Variants in PIK3R5 observed in about 807,000 individuals in gnomAD.
PIK3R5 encodes phosphoinositide 3-kinase regulatory subunit 5.
Under a neutral mutation model 94.9 loss-of-function variants are expected in PIK3R5, and 32 were observed. The observed-to-expected ratio is 0.34, with a 90% CI of 0.25 to 0.45. The LOEUF is 0.45. Ranked by LOEUF, PIK3R5 falls within the 20% of genes least tolerant of loss-of-function variation. PIK3R5 has a pLI of 1.00. For missense variants in PIK3R5, 853 were observed against 1,144.6 expected (o/e 0.75, Z 3.68); for synonymous variants, 443 against 479.4 (o/e 0.92, Z 0.99).
chr17:8,957,505 A>T (rs963242202), intron 1 of PIK3R5, among the ~76,000 whole-genome samples: 1 of 152,168 alleles, frequency 6.6e-6, no homozygotes, highest in Admixed American at 6.5e-5. Context: ...GCTACTTCTT[A>T]ATTACTTCAT....
At position 8,945,581 on chromosome 17, in the gene PIK3R5, C is replaced by G. The variant is rs1466270551; in HGVS notation, c.-14+20015G>C. Among the ~76,000 whole-genome samples, 2 of 152,196 alleles carry G rather than the reference C, an allele frequency of 1.3e-5. No individual in the cohort carries two copies. The highest frequency in any genetic ancestry group is 1.3e-4 in the Admixed American group (2 of 15,270). On this transcript the variant is annotated intron_variant, in intron 1 of 18. Transcript: ENST00000447110. The surrounding 1 kb of genome is among the most constrained non-coding windows in gnomAD (Gnocchi z 4.0). Reference sequence around the variant, plus strand: ...TAGACAGGAGGCAAAGCAGACATCTCAAATCCACCGTAGTCCAGAAACAAC... The same window carrying G: ...TAGACAGGAGGCAAAGCAGACATCTGAAATCCACCGTAGTCCAGAAACAAC...
chr17:8,951,615 T>C (rs1236626610), intron 1 of PIK3R5, among the ~76,000 whole-genome samples: 5 of 152,256 alleles, frequency 3.3e-5, no homozygotes, highest in African/African-American at 1.2e-4. Context: ...TTCAATTGAA[T>C]GTATATACAC....
At chr17:8,940,464 C>T (rs2091157057) in intron 1 of PIK3R5, among the ~76,000 whole-genome samples, 2 of 152,234 alleles carry the variant, frequency 1.3e-5, no homozygotes, top group African/African-American at 4.8e-5. Flanking sequence ...CGCCAGCAAA[C>T]AGCAGCCTTG....
chr17:8,900,038 A>G (rs2090246382), intron 5 of PIK3R5, among the ~76,000 whole-genome samples: 1 of 136,972 alleles, frequency 7.3e-6, no homozygotes, highest in Non-Finnish European at 1.6e-5. Context: ...ATTCCATCTT[A>G]AAAAAAAAAA....
intron 3 of PIK3R5, among the ~76,000 whole-genome samples, chr17:8,907,055 C>T (rs1188219663): frequency 1.3e-5 from 2 of 152,128 alleles, no homozygotes; most frequent in East Asian, 1.9e-4. Flanking sequence ...GATGGAGTCT[C>T]GCTCTGTCGC....
In PIK3R5 at chr17:8,890,635, G is replaced by A. The variant is rs2089999090; in HGVS notation, c.657+103C>T. ...ACCCTGCCATGTCACCTGGGTGCAG[G>A]AGACTAAGTGTACCCTGGAGACCGT... On this transcript the variant is annotated intron_variant, in intron 7 of 18. Transcript: ENST00000447110. This position sits in a 1 kb window ranked among gnomAD's most constrained non-coding sequence, Gnocchi z 6.1. 1.9e-6 allele frequency: 2 copies of A among 1,032,294 alleles called. No homozygotes were observed. The highest frequency in any genetic ancestry group is 2.8e-6 in the Non-Finnish European group (2 of 720,698). The allele number at this position is 1,032,294 out of a possible 1,614,324, so 63.9% of individuals were successfully genotyped here.
At position 8,888,707 on chromosome 17, in the gene PIK3R5, G is replaced by A. The variant is rs2089947081; in HGVS notation, c.1080C>T (p.Ser360=). ...GCCCCGAGGCCTGGGAGGATGCAAGGGACAAGGTGGAGTCATGGGACGCCA... is the reference window on the plus strand; with the variant it reads ...GCCCCGAGGCCTGGGAGGATGCAAGAGACAAGGTGGAGTCATGGGACGCCA... ...SSLASHDSTL[S]LASSQASGPA... is the part of the protein sequence containing the mutation. Residue 360 remains serine (S), a synonymous_variant, in exon 10 of 19, where the codon TCC becomes TCT. Transcript: ENST00000447110. The surrounding 1 kb of genome is among the most constrained non-coding windows in gnomAD (Gnocchi z 7.8). 1 of 1,613,782 alleles carries A rather than the reference G, an allele frequency of 6.2e-7. No individual in the cohort carries two copies. Among genetic ancestry groups the A allele is most frequent in the Admixed American group, 1.7e-5 (1 of 60,016 alleles).
chr17:8,893,813 G>C lies in PIK3R5; in HGVS notation c.413-158C>G. 3.4e-6 allele frequency: 2 copies of C among 595,108 alleles called. No individual in the cohort carries two copies. The highest frequency in any genetic ancestry group is 6.1e-6 in the Non-Finnish European group (2 of 328,940). 36.9% of individuals were successfully genotyped at this position (595,108 alleles called of 1,614,324 possible). On this transcript the variant is annotated intron_variant, in intron 5 of 18. Coordinates refer to ENST00000447110, the MANE Select transcript of PIK3R5 (RefSeq NM_001142633.3). This position sits in a 1 kb window ranked among gnomAD's most constrained non-coding sequence, Gnocchi z 5.1. ...AGCTGTTCTGTGGACCCTCCAGGGTGCCTAGCAGTTTGCTTCTATGCGTCC... is the reference window on the plus strand; with the variant it reads ...AGCTGTTCTGTGGACCCTCCAGGGTCCCTAGCAGTTTGCTTCTATGCGTCC...
intron 10 of PIK3R5, 149 bp from the exon 11 acceptor site, chr17:8,887,832 A>C: frequency 1.7e-6 from 1 of 598,110 alleles, no homozygotes; most frequent in Non-Finnish European, 2.7e-6. Context: ...ATCTCTACTA[A>C]GACAAAAAAA....
At chr17:8,943,857 T>G (rs1457415237) in intron 1 of PIK3R5, among the ~76,000 whole-genome samples, 2 of 151,048 alleles carry the variant, frequency 1.3e-5, no homozygotes, top group Non-Finnish European at 2.9e-5. Context: ...TCTGAAACAT[T>G]GTCTGCTGTA....
Position 8,888,002 on chromosome 17 carries a change from AAATAATAATAATAATAATAAT to A in PIK3R5, c.1616+148_1616+168del, listed in dbSNP as rs71135929. Among the ~76,000 whole-genome samples, 36 of 129,512 alleles carry A rather than the reference AAATAATAATAATAATAATAAT, an allele frequency of 2.8e-4. No homozygotes were observed. The highest frequency in any genetic ancestry group is 8.9e-4 in the East Asian group (4 of 4,474). 85.0% of individuals were successfully genotyped at this position (129,512 alleles called of 152,430 possible). On this transcript the variant is annotated intron_variant, in intron 10 of 18. Coordinates refer to ENST00000447110, the MANE Select transcript of PIK3R5 (RefSeq NM_001142633.3). The surrounding 1 kb of genome is among the most constrained non-coding windows in gnomAD (Gnocchi z 7.8). ...GGCAACAGAGCAAGACTCTGTCTCA[AAATAATAATAATAATAATAAT>A]AATAATAATAATAATAATAATAATA...
intron 1 of PIK3R5, among the ~76,000 whole-genome samples, chr17:8,954,457 C>G (rs1176349124): frequency 6.6e-6 from 1 of 152,200 alleles, no homozygotes; most frequent in Non-Finnish European, 1.5e-5. Context: ...CAGCCTGGCA[C>G]GGGCGGGACA....
chr17:8,900,782 T>G (rs1355941292), intron 5 of PIK3R5, among the ~76,000 whole-genome samples: 1 of 152,156 alleles, frequency 6.6e-6, no homozygotes, highest in Non-Finnish European at 1.5e-5. Flanking sequence ...CTGCTTTCTG[T>G]GCTGCCCAGA....
chr17:8,902,223 A>AG (rs1221060410), intron 5 of PIK3R5, among the ~76,000 whole-genome samples: 1 of 151,158 alleles, frequency 6.6e-6, no homozygotes, highest in East Asian at 1.9e-4. Flanking sequence ...CTAAAAAAAA[A>AG]ACCTCTTCAT....
chr17:8,925,098 AAGTAGATGGATAGATAGAT>A lies in PIK3R5; in HGVS notation c.-13-13610_-13-13592del, dbSNP rs971768263. ...GATAGATAGATAGTGGATAGATAGA[AAGTAGATGGATAGATAGAT>A]AGTAGATGGATAGATAGATAGTAGA... On this transcript the variant is annotated intron_variant, in intron 1 of 18. Coordinates refer to ENST00000447110, the MANE Select transcript of PIK3R5 (RefSeq NM_001142633.3). The surrounding 1 kb of genome is among the most constrained non-coding windows in gnomAD (Gnocchi z 5.1). 6.6e-5 allele frequency among the ~76,000 whole-genome samples: 10 copies of A among 150,842 alleles called. No homozygotes were observed. Among genetic ancestry groups the A allele is most frequent in the Non-Finnish European group, 1.2e-4 (8 of 67,362 alleles).
chr17:8,928,964 A>G (rs2090938559), intron 1 of PIK3R5, among the ~76,000 whole-genome samples: 1 of 152,234 alleles, frequency 6.6e-6, no homozygotes. Context: ...TAAGACAATC[A>G]TATTATAAAT....
In PIK3R5 at chr17:8,880,474, A is replaced by C; in HGVS notation, c.*165T>G. The C allele has an allele frequency of 3.3e-6, 2 of 614,744 alleles. No individual in the cohort carries two copies. Among genetic ancestry groups the C allele is most frequent in the South Asian group, 6.0e-5 (2 of 33,088 alleles). 38.1% of individuals were successfully genotyped at this position (614,744 alleles called of 1,614,324 possible). A position where few individuals can be genotyped will look rare whatever the true frequency, so the allele number is the denominator to read the frequency against. ...TAGCTGTTGCTTTCCCAGAACCCTG[A>C]GGCCCCAGAAACCCTCTACTCCCAG... is the stretch of plus-strand genomic sequence containing the variant. On this transcript the variant is annotated 3_prime_UTR_variant, in exon 19 of 19. Coordinates refer to ENST00000447110, the MANE Select transcript of PIK3R5 (RefSeq NM_001142633.3).
rs748687914 is a variant in PIK3R5, at chr17:8,904,882, G to C, written c.307C>G (p.Leu103Val). The change falls in exon 5 of 19, where the codon CTG becomes GTG. Residue 103 changes from leucine (L) to valine (V), a missense_variant. By Grantham distance (32) the Leu-to-Val change is conservative. This residue lies in a region of PIK3R5 where 108 missense variants were observed against 170.1 expected (regional missense o/e 0.63). Transcript: ENST00000447110. The surrounding 1 kb of genome is among the most constrained non-coding windows in gnomAD (Gnocchi z 5.1). Reference sequence around the variant, plus strand: ...CGGTGGTAGGTGCTGGCTGCCTTCAGAAGGAGATCCGAGTCTGGTGGGAAG... The same window carrying C: ...CGGTGGTAGGTGCTGGCTGCCTTCACAAGGAGATCCGAGTCTGGTGGGAAG... ...PHFPPDSDLL[L>V]KAASTYHRFL... The C allele has an allele frequency of 1.7e-5, 27 of 1,613,834 alleles. No individual in the cohort carries two copies. The highest frequency in any genetic ancestry group is 2.1e-5 in the Non-Finnish European group (25 of 1,180,028).
chr17:8,904,920 G>A lies in PIK3R5; in HGVS notation c.274-5C>T, dbSNP rs1418879581. The A allele has an allele frequency of 1.9e-6, 3 of 1,611,900 alleles. No individual in the cohort carries two copies. Among genetic ancestry groups the A allele is most frequent in the Non-Finnish European group, 2.5e-6 (3 of 1,179,976 alleles). ...GTCTGGTGGGAAGTGTGGTGTCTAG[G>A]ATGGAGGCAGGCAACAAGCAAAGAG... On this transcript the variant is annotated splice_polypyrimidine_tract_variant and splice_region_variant and intron_variant, in intron 4 of 18. Transcript: ENST00000447110. This position sits in a 1 kb window ranked among gnomAD's most constrained non-coding sequence, Gnocchi z 5.1.
Sources: gnomAD v4.1 joint callset for allele counts (sites outside exome capture counted in the v4.1 genomes callset) on GRCh38, gnomAD v4.1.1 for gene constraint, gnomAD v4.1.1 regional missense constraint, Gnocchi (gnomAD v3.1) non-coding constraint, MANE v1.5 for transcripts, NCBI Gene and HGNC (gene_info 2026-07-23, HGNC 2026-07-21) for gene names.